Variants in IPCEF1 observed in about 807,000 individuals in gnomAD.
IPCEF1 encodes interactor protein for cytohesin exchange factors 1.
A neutral mutation model predicts 50.9 loss-of-function variants in IPCEF1; 31 were observed. The ratio of observed to expected loss-of-function variants is 0.61; its 90% CI spans 0.46 to 0.82. The LOEUF is 0.82. Ranked by LOEUF, IPCEF1 falls within the 40% of genes least tolerant of loss-of-function variation. The pLI is 0.00. For synonymous variants in IPCEF1, 181 were observed against 192.0 expected (o/e 0.94, Z 0.47); for missense variants, 458 against 514.0 (o/e 0.89, Z 1.05).
chr6:154,159,842 C>G lies in IPCEF1; in HGVS notation c.1303G>C (p.Glu435Gln). Residue 435 changes from glutamate (E) to glutamine (Q), a missense_variant, in exon 12 of 12, where the codon GAA becomes CAA. Coordinates refer to ENST00000367220, the MANE Select transcript of IPCEF1 (RefSeq NM_001130700.2). ...LKKSPSSPSVENSI is the reference protein window; with the variant it reads ...LKKSPSSPSVQNSI ...CTGACTTTGTCTCAAATGGAATTTT[C>G]AACAGAGGGAGAAGAAGGTGATTTC... 6.2e-7 allele frequency: 1 copy of G among 1,610,784 alleles called. No homozygotes were observed. Among genetic ancestry groups the G allele is most frequent in the Non-Finnish European group, 8.5e-7 (1 of 1,179,118 alleles).
At chr6:154,326,988 G>A (rs1469936951) in intron 1 of IPCEF1, among the ~76,000 whole-genome samples, 1 of 152,124 alleles carries the variant, frequency 6.6e-6, no homozygotes, top group Non-Finnish European at 1.5e-5. Context: ...TCAATAAATG[G>A]TGCTGAAATA....
At chr6:154,279,383 T>C (rs1782151756) in intron 2 of IPCEF1, among the ~76,000 whole-genome samples, 1 of 152,252 alleles carries the variant, frequency 6.6e-6, no homozygotes, top group Non-Finnish European at 1.5e-5. Flanking sequence ...ATTGGAAGAC[T>C]CAATATTGTG....
intron 9 of IPCEF1, among the ~76,000 whole-genome samples, chr6:154,209,381 T>C (rs186741347): frequency 2.9e-3 from 436 of 152,298 alleles, no homozygotes; most frequent in Non-Finnish European, 4.4e-3. Context: ...CTGAGTGCAG[T>C]GGCTTACGCT....
At chr6:154,251,190 CTG>C (rs1199211859) in intron 3 of IPCEF1, among the ~76,000 whole-genome samples, 9 of 152,148 alleles carry the variant, frequency 5.9e-5, no homozygotes, top group Non-Finnish European at 2.9e-5. Flanking sequence ...TTGAAATAAT[CTG>C]TCATAGTAGT....
chr6:154,353,944 C>A (rs1784160742), intron 1 of IPCEF1, among the ~76,000 whole-genome samples: 1 of 152,128 alleles, frequency 6.6e-6, no homozygotes, highest in African/African-American at 2.4e-5. Flanking sequence ...ATTAATGATT[C>A]TTTTAAAAAC....
chr6:154,187,668 C>G (rs918626552), intron 10 of IPCEF1, among the ~76,000 whole-genome samples: 9 of 152,200 alleles, frequency 5.9e-5, no homozygotes, highest in Non-Finnish European at 1.3e-4. Flanking sequence ...AACCCTGTGT[C>G]TTGCTGATTA....
At chr6:154,299,253 A>G (rs576296398) in intron 1 of IPCEF1, among the ~76,000 whole-genome samples, 6 of 141,096 alleles carry the variant, frequency 4.3e-5, no homozygotes, top group African/African-American at 1.5e-4. Flanking sequence ...CTGAGAGAAG[A>G]GACCAGGGGA....
At chr6:154,351,373 T>C (rs1320221298) in intron 1 of IPCEF1, among the ~76,000 whole-genome samples, 1 of 152,208 alleles carries the variant, frequency 6.6e-6, no homozygotes, top group East Asian at 1.9e-4. Context: ...TGTTCCCTGC[T>C]GGCTGGAAGC....
chr6:154,164,712 A>G (rs1405107437), intron 11 of IPCEF1, among the ~76,000 whole-genome samples: 3 of 152,186 alleles, frequency 2.0e-5, no homozygotes, highest in Non-Finnish European at 4.4e-5. Context: ...TACGGGAAGA[A>G]AGGGTTCACC....
chr6:154,226,179 C>G (rs1347674029), intron 5 of IPCEF1, among the ~76,000 whole-genome samples: 1 of 152,162 alleles, frequency 6.6e-6, no homozygotes, highest in Non-Finnish European at 1.5e-5. Flanking sequence ...CATACACACC[C>G]TCATGGCTCC....
At chr6:154,218,677 A>C (rs1359730893) in intron 7 of IPCEF1, among the ~76,000 whole-genome samples, 1 of 152,208 alleles carries the variant, frequency 6.6e-6, no homozygotes, top group Non-Finnish European at 1.5e-5. Context: ...GAGAAGTTGC[A>C]TTGTTGGCTA....
intron 10 of IPCEF1, among the ~76,000 whole-genome samples, chr6:154,198,379 T>C (rs536741792): frequency 1.9e-3 from 295 of 152,300 alleles, no homozygotes; most frequent in Admixed American, 4.1e-3. Context: ...AAGGTTTCCT[T>C]TCTCCTCCCT....
rs1213248263 is a variant in IPCEF1 at position 154,168,994 on chromosome 6, T to C, written c.911-881A>G. On this transcript the variant is annotated intron_variant, in intron 10 of 11. Coordinates refer to ENST00000367220, the MANE Select transcript of IPCEF1 (RefSeq NM_001130700.2). This position sits in a 1 kb window ranked among gnomAD's most constrained non-coding sequence, Gnocchi z 4.1. The stretch of plus-strand genomic sequence containing the variant: ...ATTCATGTGTTTCTCACGTGCAATA[T>C]ATTCACCTCATCCCAACAACTCCAA... 2.0e-5 allele frequency among the ~76,000 whole-genome samples: 3 copies of C among 151,982 alleles called. No individual in the cohort carries two copies. The highest frequency in any genetic ancestry group is 4.4e-5 in the Non-Finnish European group (3 of 67,990).
At chr6:154,239,120 A>G (rs1033724348) in intron 5 of IPCEF1, among the ~76,000 whole-genome samples, 2 of 152,120 alleles carry the variant, frequency 1.3e-5, no homozygotes, top group African/African-American at 4.8e-5. Context: ...TGAGAACAAG[A>G]CAAAAGAAAC....
At chr6:154,200,452 G>A (rs1259005010) in intron 9 of IPCEF1, among the ~76,000 whole-genome samples, 6 of 152,214 alleles carry the variant, frequency 3.9e-5, no homozygotes, top group South Asian at 2.1e-4. Context: ...TGGGTGCGAT[G>A]GCTCATGCCT....
At chr6:154,325,445 T>G (rs1300183619) in intron 1 of IPCEF1, among the ~76,000 whole-genome samples, 1 of 152,118 alleles carries the variant, frequency 6.6e-6, no homozygotes, top group African/African-American at 2.4e-5. Flanking sequence ...TAAGTAAGAG[T>G]AGACATCACT....
intron 1 of IPCEF1, among the ~76,000 whole-genome samples, chr6:154,339,572 G>A (rs192960936): frequency 2.5e-3 from 367 of 147,060 alleles, no homozygotes; most frequent in Non-Finnish European, 4.0e-3. Context: ...TATGCCTGGC[G>A]TTTTTTGTTT....
intron 1 of IPCEF1, among the ~76,000 whole-genome samples, chr6:154,303,428 G>A (rs1025917110): frequency 2.6e-5 from 4 of 152,106 alleles, no homozygotes; most frequent in Middle Eastern, 3.2e-3. Flanking sequence ...GATTACTGGT[G>A]TACATATCCA....
chr6:154,225,600 T>G (rs1779188000), intron 5 of IPCEF1, among the ~76,000 whole-genome samples: 1 of 152,150 alleles, frequency 6.6e-6, no homozygotes. Context: ...CAGTAGGAAA[T>G]AGGGAGCAAC....
Sources: allele counts gnomAD v4.1 joint callset (sites outside exome capture counted in the v4.1 genomes callset), GRCh38; gene constraint gnomAD v4.1.1; non-coding constraint Gnocchi (gnomAD v3.1); transcripts MANE v1.5; gene names NCBI Gene and HGNC (gene_info 2026-07-23, HGNC 2026-07-21).